CAPN2: variants seen among roughly 807,000 people sequenced by gnomAD.
CAPN2 encodes the protein calpain-2 catalytic subunit.
CAPN2 carries 92 observed loss-of-function variants against 102.3 expected under a neutral mutation model. The ratio of observed to expected loss-of-function variants is 0.90; its 90% CI spans 0.76 to 1.07. The LOEUF is 1.07. CAPN2 is among the 50% of genes least tolerant of loss of function. CAPN2 has a pLI of 0.00. For missense variants in CAPN2, 800 were observed against 909.4 expected, an observed-to-expected ratio of 0.88 and a Z score of 1.55; for synonymous variants, 340 against 355.4, an observed-to-expected ratio of 0.96 and a Z score of 0.49.
intron 5 of CAPN2, 83 bp from the exon 6 acceptor site, chr1:223,748,956 C>A: frequency 7.6e-7 from 1 of 1,323,420 alleles, no homozygotes; most frequent in Non-Finnish European, 1.1e-6. Context: ...GCGGTCCCGC[C>A]CGGCAGTAGG....
chr1:223,730,010 CAAAAAAAAAAAAA>C (rs57382658), intron 2 of CAPN2, among the ~76,000 whole-genome samples: 2 of 79,038 alleles, frequency 2.5e-5, no homozygotes, highest in Non-Finnish European at 4.5e-5. Flanking sequence ...CCCAAAAAAC[CAAAAAAAAAAAAA>C]AAAAAAAAAA....
chr1:223,714,032 C>A (rs1174230484), intron 1 of CAPN2, among the ~76,000 whole-genome samples: 1 of 152,210 alleles, frequency 6.6e-6, no homozygotes, highest in East Asian at 1.9e-4. Flanking sequence ...TTCTCACCAG[C>A]AAGGCACGCT....
At position 223,731,913 on chromosome 1, in the gene CAPN2, G is replaced by C. The variant is rs940758807; in HGVS notation, c.308-12187G>C. Among the ~76,000 whole-genome samples the C allele has an allele frequency of 3.3e-5, 5 of 152,100 alleles. No homozygotes were observed. Among genetic ancestry groups the C allele is most frequent in the Non-Finnish European group, 7.4e-5 (5 of 68,022 alleles). Reference sequence around the variant, plus strand: ...TGTGTGAGTGTGTCACCGGTAAGCTGAGTTCTTTCCCTACTTGGTATCAGT... The same window carrying C: ...TGTGTGAGTGTGTCACCGGTAAGCTCAGTTCTTTCCCTACTTGGTATCAGT... On this transcript the variant is annotated intron_variant, in intron 2 of 20. Transcript: ENST00000295006. The surrounding 1 kb of genome is among the most constrained non-coding windows in gnomAD (Gnocchi z 4.2).
At chr1:223,709,494 C>T (rs1659683494), upstream of CAPN2, among the ~76,000 whole-genome samples, 1 of 151,950 alleles carries the variant, frequency 6.6e-6, no homozygotes, top group Non-Finnish European at 1.5e-5. Flanking sequence ...AACCCTGTCC[C>T]TACTAAAAAT....
At chr1:223,714,246 G>A (rs942374382) in intron 1 of CAPN2, among the ~76,000 whole-genome samples, 1 of 152,126 alleles carries the variant, frequency 6.6e-6, no homozygotes, top group Non-Finnish European at 1.5e-5. Flanking sequence ...GGAATCATGT[G>A]TATATTATTT....
chr1:223,755,555 G>A lies in CAPN2; in HGVS notation c.1211G>A (p.Gly404Asp), dbSNP rs1661012777. Residue 404 changes from glycine (G) to aspartate (D), a missense_variant, in exon 10 of 21, where the codon GGC (glycine) becomes GAC (aspartate). Gly to Asp is a moderately conservative substitution (Grantham distance 94). Coordinates refer to ENST00000295006, the MANE Select transcript of CAPN2 (RefSeq NM_001748.5). The surrounding 1 kb of genome is among the most constrained non-coding windows in gnomAD (Gnocchi z 4.1). ...GAGGACGAGGAGGATGGGGAGAGCGGCTGCACCTTCCTGGTGGGGCTCATT... is the reference window on the plus strand; with the variant it reads ...GAGGACGAGGAGGATGGGGAGAGCGACTGCACCTTCCTGGTGGGGCTCATT... ...EDEDEEDGES[G>D]CTFLVGLIQK... The A allele has an allele frequency of 6.2e-7, 1 of 1,614,064 alleles. No homozygotes were observed. Among genetic ancestry groups the A allele is most frequent in the Non-Finnish European group, 8.5e-7 (1 of 1,179,996 alleles).
chr1:223,759,367 T>C lies in CAPN2; in HGVS notation c.1415T>C (p.Leu472Pro). ...SDTFINLREV[L>P]NRFKLPPGEY... ...ACCTTCATCAACCTCCGGGAGGTGC[T>C]CAACCGCTTCAAGCTGCCGCCAGGA... The change falls in exon 12 of 21, where the codon CTC (leucine) becomes CCC (proline). Residue 472 changes from leucine to proline, a missense_variant. Transcript: ENST00000295006. This position sits in a 1 kb window ranked among gnomAD's most constrained non-coding sequence, Gnocchi z 4.6. 1.2e-6 allele frequency: 2 copies of C among 1,614,180 alleles called. No individual in the cohort carries two copies. Among genetic ancestry groups the C allele is most frequent in the Non-Finnish European group, 1.7e-6 (2 of 1,180,028 alleles).
chr1:223,751,619 T>TG (rs764053193), intron 7 of CAPN2, among the ~76,000 whole-genome samples: 16,474 of 152,048 alleles, frequency 0.11, 2,244 homozygotes, highest in African/African-American at 0.32. Context: ...TTCCCAGGCC[T>TG]CAGCCGGAGG....
At chr1:223,745,204 C>T in intron 3 of CAPN2, 102 bp from the exon 4 acceptor site, 1 of 1,500,304 alleles carries the variant, frequency 6.7e-7, no homozygotes, top group South Asian at 1.2e-5. Context: ...CTCATGGAAC[C>T]TATCCCAGGG....
intron 1 of CAPN2, 124 bp downstream of exon 1, chr1:223,713,001 G>A (rs1398621582): frequency 8.2e-6 from 5 of 610,448 alleles, no homozygotes; most frequent in Admixed American, 9.3e-5. Context: ...CGCAAGCCAG[G>A]ACCTCGCAGT....
rs533089157 is a variant in CAPN2, at chr1:223,774,811, C to CT, written c.2080-13dup. ...ATTTTAAAAGTGGTCACTGAGCTGA[C>CT]TTTTTTTTTTCCTTCCTCACAGTGG... is the stretch of plus-strand genomic sequence containing the variant. On this transcript the variant is annotated intron_variant, in intron 20 of 20. Transcript: ENST00000295006. 4,519 of 1,442,548 alleles carry CT rather than the reference C, an allele frequency of 3.1e-3. 2 individuals carry two copies. Among genetic ancestry groups the CT allele is most frequent in the Non-Finnish European group, 3.6e-3 (3,754 of 1,051,678 alleles). The allele number at this position is 1,442,548 out of a possible 1,614,324, so 89.4% of individuals were successfully genotyped here.
In CAPN2 at chr1:223,752,934, G is replaced by A. The variant is rs145344369; in HGVS notation, c.1113G>A (p.Ala371=). The change falls in exon 9 of 21, where the codon GCG becomes GCA. Residue 371 remains alanine, a synonymous_variant. Transcript: ENST00000295006. The part of the protein sequence containing the change: ...MDGNWRRGST[A]GGCRNYPNTF... ...GGAACTGGAGGCGGGGCTCCACCGCGGGAGGTTGCAGGAACTACCCGAGTA... is the reference window on the plus strand; with the variant it reads ...GGAACTGGAGGCGGGGCTCCACCGCAGGAGGTTGCAGGAACTACCCGAGTA... 1.9e-5 allele frequency: 31 copies of A among 1,613,972 alleles called. No homozygotes were observed. In the East Asian group the frequency reaches 2.2e-4, roughly 12 times the overall value.
At chr1:223,746,366 G>A (rs541367549) in intron 4 of CAPN2, among the ~76,000 whole-genome samples, 70 of 151,542 alleles carry the variant, frequency 4.6e-4, no homozygotes, top group Middle Eastern at 6.8e-3. Flanking sequence ...AATGCCAAAC[G>A]ACCCATTAGT....
At chr1:223,766,543 C>A in intron 16 of CAPN2, 112 bp downstream of exon 16, 2 of 852,176 alleles carry the variant, frequency 2.3e-6, no homozygotes, top group South Asian at 1.5e-5. Flanking sequence ...TTGTTCCCAA[C>A]TTGCTGAGTT....
intron 1 of CAPN2, among the ~76,000 whole-genome samples, chr1:223,715,363 G>A (rs981500850): frequency 6.6e-6 from 1 of 152,136 alleles, no homozygotes; most frequent in African/African-American, 2.4e-5. Flanking sequence ...GACTTTGAGA[G>A]CCTGTGTTTT....
intron 1 of CAPN2, among the ~76,000 whole-genome samples, chr1:223,704,950 C>G (rs934106285): frequency 2.0e-5 from 3 of 152,110 alleles, no homozygotes; most frequent in Admixed American, 1.3e-4. Flanking sequence ...TTGGCTGCCC[C>G]CAGCCCCCTC....
intron 3 of CAPN2, among the ~76,000 whole-genome samples, chr1:223,744,849 T>G (rs1340146196): frequency 6.6e-6 from 1 of 151,294 alleles, no homozygotes; most frequent in Non-Finnish European, 1.5e-5. Context: ...CGAGACCAGC[T>G]GGGGCAACAT....
chr1:223,703,581 A>G (rs923098281), intron 1 of CAPN2, among the ~76,000 whole-genome samples: 1 of 152,318 alleles, frequency 6.6e-6, no homozygotes. Context: ...GCTTTCTCAG[A>G]GTGGCACTGC....
At chr1:223,743,518 G>A (rs1204300419) in intron 2 of CAPN2, among the ~76,000 whole-genome samples, 1 of 152,052 alleles carries the variant, frequency 6.6e-6, no homozygotes, top group Non-Finnish European at 1.5e-5. Context: ...AGAGATGAGG[G>A]TCTCCCTCTG....
Sources: allele counts gnomAD v4.1 joint callset (sites outside exome capture counted in the v4.1 genomes callset), GRCh38; gene constraint gnomAD v4.1.1; non-coding constraint Gnocchi (gnomAD v3.1); transcripts MANE v1.5; gene names NCBI Gene and HGNC (gene_info 2026-07-23, HGNC 2026-07-21).